Variants in EPM2A observed in about 807,000 individuals in gnomAD.
The protein encoded by EPM2A is laforin.
A neutral mutation model predicts 26.5 loss-of-function variants in EPM2A; 21 were observed. The ratio of observed to expected loss-of-function variants is 0.79; its 90% CI spans 0.56 to 1.14. The LOEUF (loss-of-function observed/expected upper bound fraction) is 1.14. Among genes scored for constraint, EPM2A ranks in the 50% most tolerant of loss-of-function variants. The pLI is 0.00. For synonymous variants in EPM2A, 217 were observed against 177.6 expected (o/e 1.22, Z -1.76); for missense variants, 458 against 440.8 (o/e 1.04, Z -0.35).
At chr6:145,576,491 A>T (rs146097493) in intron 2 of EPM2A, among the ~76,000 whole-genome samples, 44 of 152,360 alleles carry the variant, frequency 2.9e-4, no homozygotes, top group Middle Eastern at 6.8e-3. Context: ...AGGAGTAAGT[A>T]GCAACCTTGC....
At chr6:145,398,442 T>G (rs1778436874) in intron 4 of EPM2A, among the ~76,000 whole-genome samples, 1 of 152,294 alleles carries the variant, frequency 6.6e-6, no homozygotes, top group East Asian at 1.9e-4. Flanking sequence ...AATTGTCCCT[T>G]TATGTCAAGG....
intron 2 of EPM2A, among the ~76,000 whole-genome samples, chr6:145,654,067 G>T (rs1055883662): frequency 6.6e-6 from 1 of 152,154 alleles, no homozygotes; most frequent in Non-Finnish European, 1.5e-5. Flanking sequence ...CTCCAGTAGG[G>T]CAGTGAGCTT....
chr6:145,712,312 C>A (rs1033838093), intron 1 of EPM2A, among the ~76,000 whole-genome samples: 1 of 152,116 alleles, frequency 6.6e-6, no homozygotes, highest in African/African-American at 2.4e-5. Context: ...TACACAATTT[C>A]TAGCTGAAAA....
intron 2 of EPM2A, among the ~76,000 whole-genome samples, chr6:145,540,394 C>T (rs182620115): frequency 7.9e-4 from 121 of 152,236 alleles, no homozygotes; most frequent in Admixed American, 1.4e-3. Context: ...GGAAGAAGAC[C>T]CCATACTTGG....
chr6:145,695,873 C>G (rs1299714823), intron 1 of EPM2A, among the ~76,000 whole-genome samples: 1 of 151,964 alleles, frequency 6.6e-6, no homozygotes, highest in East Asian at 1.9e-4. Context: ...CAGCATTGGA[C>G]AGAACATCAT....
chr6:145,410,045 A>G lies in EPM2A; in HGVS notation c.556-25948T>C, dbSNP rs183417737. ...GGCCCCAAAGGTCAGCCTTGATTCAATATGGGAGAAGGGTATAGATGTCGG... is the reference window on the plus strand; with the variant it reads ...GGCCCCAAAGGTCAGCCTTGATTCAGTATGGGAGAAGGGTATAGATGTCGG... On this transcript the variant is annotated intron_variant, in intron 4 of 4. Coordinates refer to the EPM2A transcript ENST00000638717. Among the ~76,000 whole-genome samples, 26 of 152,324 alleles carry G rather than the reference A, an allele frequency of 1.7e-4. No individual in the cohort carries two copies. In the East Asian group the frequency reaches 5.0e-3, roughly 29 times the overall value.
chr6:145,618,289 G>T (rs960447730), intron 2 of EPM2A, among the ~76,000 whole-genome samples: 5 of 152,202 alleles, frequency 3.3e-5, no homozygotes, highest in African/African-American at 1.2e-4. Context: ...GGATACAAAA[G>T]ATTGTTGAAC....
At chr6:145,412,823 TG>T (rs1224687399) in intron 4 of EPM2A, among the ~76,000 whole-genome samples, 1 of 152,124 alleles carries the variant, frequency 6.6e-6, no homozygotes, top group Non-Finnish European at 1.5e-5. Context: ...CCAGAAAATG[TG>T]ATTTTGCAAG....
chr6:145,685,269 G>A (rs1020281408), intron 2 of EPM2A, among the ~76,000 whole-genome samples: 2 of 151,906 alleles, frequency 1.3e-5, no homozygotes, highest in Non-Finnish European at 2.9e-5. Context: ...AAAAATACAG[G>A]AACAAAAAAA....
At chr6:145,547,765 G>A (rs944297357) in intron 2 of EPM2A, among the ~76,000 whole-genome samples, 1 of 151,886 alleles carries the variant, frequency 6.6e-6, no homozygotes, top group African/African-American at 2.4e-5. Context: ...GAATCTTCAG[G>A]GCAAATTACA....
In EPM2A at chr6:145,416,390, AC is replaced by A. The variant is rs1190896377; in HGVS notation, c.556-32294del. ...TCAATGCTTTTCTTATGAAAATTTG[AC>A]CACTATAATTATGGCTTTTGGTTTG... On this transcript the variant is annotated intron_variant, in intron 4 of 4. Coordinates refer to the EPM2A transcript ENST00000638717. Among the ~76,000 whole-genome samples, 2 of 152,036 alleles carry A rather than the reference AC, an allele frequency of 1.3e-5. 1 individual carries two copies. The highest frequency in any genetic ancestry group is 2.9e-5 in the Non-Finnish European group (2 of 68,014).
In EPM2A at chr6:145,423,973, A is replaced by G. The variant is rs761726754; in HGVS notation, c.556-39876T>C. 3.3e-4 allele frequency among the ~76,000 whole-genome samples: 51 copies of G among 152,316 alleles called. 1 individual carries two copies. The highest frequency in any genetic ancestry group is 6.8e-3 in the Middle Eastern group (2 of 294). On this transcript the variant is annotated intron_variant, in intron 4 of 4. Transcript: ENST00000638717. ...TCTGCCAGAAACCAGAGTGTCTCTG[A>G]TATGAGATGAAGCCAATGGGGCCCA...
intron 2 of EPM2A, among the ~76,000 whole-genome samples, chr6:145,520,795 G>A (rs558837690): frequency 3.3e-5 from 5 of 152,276 alleles, no homozygotes; most frequent in African/African-American, 7.2e-5. Flanking sequence ...GCCATGGGGA[G>A]GATTGGGATG....
Position 145,446,713 on chromosome 6 carries a change from ACTT to A in EPM2A, c.555+55806_555+55808del, listed in dbSNP as rs1222920838. ...CCTCTTGCCTTTTGAGCCTCTTATCACTTCTTCTGCTTGGTTGCTTGGAAAATC... is the reference window on the plus strand; with the variant it reads ...CCTCTTGCCTTTTGAGCCTCTTATCACTTCTGCTTGGTTGCTTGGAAAATC... On this transcript the variant is annotated intron_variant, in intron 4 of 4. Coordinates refer to the EPM2A transcript ENST00000638717. 4.6e-5 allele frequency among the ~76,000 whole-genome samples: 7 copies of A among 151,606 alleles called. No individual in the cohort carries two copies. In the East Asian group the frequency reaches 1.2e-3, roughly 25 times the overall value.
chr6:145,480,160 C>G (rs1388632230), intron 4 of EPM2A, among the ~76,000 whole-genome samples: 6 of 151,374 alleles, frequency 4.0e-5, no homozygotes, highest in Non-Finnish European at 4.4e-5. Flanking sequence ...TAAATAACTA[C>G]CTAAGACTGG....
chr6:145,682,080 C>T (rs1780580046), intron 2 of EPM2A, among the ~76,000 whole-genome samples: 1 of 152,076 alleles, frequency 6.6e-6, no homozygotes, highest in African/African-American at 2.4e-5. Flanking sequence ...GACTGGGTAA[C>T]GTTTACAGGA....
At chr6:145,523,866 G>A (rs1041301970) in intron 2 of EPM2A, among the ~76,000 whole-genome samples, 9 of 152,070 alleles carry the variant, frequency 5.9e-5, no homozygotes, top group Non-Finnish European at 1.5e-5. Context: ...TTTGGGATAC[G>A]AATGATCTTA....
intron 2 of EPM2A, among the ~76,000 whole-genome samples, chr6:145,666,939 G>T (rs1358614646): frequency 2.2e-5 from 3 of 136,390 alleles, no homozygotes; most frequent in Non-Finnish European, 3.1e-5. Flanking sequence ...AATAAATGGT[G>T]CTGGGAAAAC....
chr6:145,432,834 A>G (rs2114693456), intron 4 of EPM2A, among the ~76,000 whole-genome samples: 1 of 152,320 alleles, frequency 6.6e-6, no homozygotes, highest in Admixed American at 6.5e-5. Flanking sequence ...TTCATCAAAC[A>G]TCTTACCTTG....
Sources: allele counts gnomAD v4.1 joint callset (sites outside exome capture counted in the v4.1 genomes callset), GRCh38; gene constraint gnomAD v4.1.1; transcripts MANE v1.5; gene names NCBI Gene and HGNC (gene_info 2026-07-23, HGNC 2026-07-21).